The following TMPRSS4 variants were observed in gnomAD, a reference collection of about 807,000 sequenced individuals.
TMPRSS4 encodes transmembrane serine protease 4, also known as transmembrane protease serine 4.
In TMPRSS4, 45 loss-of-function variants were observed where a neutral mutation model predicts 56.4. That is an observed-to-expected ratio of 0.80 (90% CI 0.63 to 1.02). The LOEUF is 1.02. Ranked by LOEUF, TMPRSS4 falls within the 50% of genes least tolerant of loss-of-function variation. TMPRSS4 has a pLI of 0.00. For synonymous variants in TMPRSS4, 205 were observed against 211.0 expected, an observed-to-expected ratio of 0.97 and a Z score of 0.25; for missense variants, 546 against 556.7, an observed-to-expected ratio of 0.98 and a Z score of 0.19.
intron 4 of TMPRSS4, 105 bp downstream of exon 4, chr11:118,103,358 T>C (rs1946822400): frequency 9.0e-7 from 1 of 1,109,402 alleles, no homozygotes; most frequent in African/African-American, 1.6e-5. Flanking sequence ...TCACTTTTCA[T>C]CCTTGTTGTA....
chr11:118,089,308 G>T (rs560620877), intron 1 of TMPRSS4, among the ~76,000 whole-genome samples: 60 of 152,336 alleles, frequency 3.9e-4, no homozygotes, highest in African/African-American at 1.3e-3. Flanking sequence ...TACTCATGGG[G>T]AAACTCAGGC....
At position 118,115,165 on chromosome 11, in the gene TMPRSS4, C is replaced by A. The variant is rs1245396302; in HGVS notation, c.1037C>A (p.Ala346Glu). 3.1e-6 allele frequency: 5 copies of A among 1,611,784 alleles called. No homozygotes were observed. The highest frequency in any genetic ancestry group is 4.2e-6 in the Non-Finnish European group (5 of 1,179,380). ...AAGATGTCTGACATACTGCTGCAGG[C>A]GTCAGTCCAGGTCATTGACAGCACA... ...GGKMSDILLQASVQVIDSTRC... is the reference protein window; with the variant it reads ...GGKMSDILLQESVQVIDSTRC... The change falls in exon 11 of 13, where the codon GCG (alanine) becomes GAG (glutamate). Residue 346 changes from alanine (A) to glutamate (E), a missense_variant. Transcript: ENST00000437212.
intron 4 of TMPRSS4, 73 bp downstream of exon 4, chr11:118,103,326 C>A: frequency 6.5e-7 from 1 of 1,536,486 alleles, no homozygotes; most frequent in South Asian, 1.2e-5. Context: ...CGGCCCACTG[C>A]ATAGTATCTG....
In TMPRSS4 at chr11:118,104,733, C is replaced by A. The variant is rs760169660; in HGVS notation, c.353C>A (p.Ser118Ter). ...KDRSTLQVLD[S>*]ATGNWFSACF... ...CGATCCACACTGCAGGTGCTGGACT[C>A]GGCCACAGGGAACTGGTTCTCTGCC... Residue 118 changes from serine (S) to a stop codon, truncating the protein, a stop_gained, in exon 5 of 13, where the codon TCG (serine) becomes TAG (stop). Transcript: ENST00000437212. LOFTEE classifies it high-confidence loss of function. The A allele has an allele frequency of 5.0e-6, 8 of 1,614,186 alleles. No individual in the cohort carries two copies. In the South Asian group the frequency reaches 8.8e-5, roughly 18 times the overall value.
At chr11:118,084,049 A>C (rs1945355509) in intron 1 of TMPRSS4, among the ~76,000 whole-genome samples, 1 of 152,132 alleles carries the variant, frequency 6.6e-6, no homozygotes. Flanking sequence ...AAAACAAAAC[A>C]AAAAAACAAT....
chr11:118,117,685 C>G (rs1219703422), intron 12 of TMPRSS4: 10 of 985,346 alleles, frequency 1.0e-5, no homozygotes, highest in Non-Finnish European at 7.2e-6. Flanking sequence ...CCAAGCCTTT[C>G]TTTCTCTTTT....
chr11:118,117,443 A>G lies in TMPRSS4; in HGVS notation c.1291A>G (p.Asn431Asp). 6.2e-7 allele frequency: 1 copy of G among 1,613,378 alleles called. No homozygotes were observed. Among genetic ancestry groups the G allele is most frequent in the Non-Finnish European group, 8.5e-7 (1 of 1,179,554 alleles). ...KVSAYLNWIYNVWKAEL is the reference protein window; with the variant it reads ...KVSAYLNWIYDVWKAEL Reference sequence around the variant, plus strand: ...CTCAGCCTATCTCAACTGGATCTACAATGTCTGGAAGGTAAGGTACCTTTG... The same window carrying G: ...CTCAGCCTATCTCAACTGGATCTACGATGTCTGGAAGGTAAGGTACCTTTG... Residue 431 changes from asparagine to aspartate, a missense_variant, in exon 12 of 13, where the codon AAT becomes GAT. Asn to Asp is a conservative substitution (Grantham distance 23). Transcript: ENST00000437212.
intron 4 of TMPRSS4, 127 bp from the exon 5 acceptor site, chr11:118,104,564 G>C (rs1758210140): frequency 3.5e-6 from 5 of 1,435,462 alleles, no homozygotes; most frequent in Admixed American, 2.0e-5. Context: ...GACATTGAAA[G>C]TGTTGGGGCT....
chr11:118,080,089 G>GGGA (rs1945008916), intron 1 of TMPRSS4, among the ~76,000 whole-genome samples: 1 of 152,176 alleles, frequency 6.6e-6, no homozygotes, highest in Admixed American at 6.5e-5. Flanking sequence ...GCTGGGGATT[G>GGGA]GGAGGACCCA....
At chr11:118,094,675 C>T in intron 1 of TMPRSS4, 141 bp from the exon 2 acceptor site, 1 of 697,064 alleles carries the variant, frequency 1.4e-6, no homozygotes, top group Non-Finnish European at 2.6e-6. Context: ...TCCTGTTGAA[C>T]CAGGTATTTG....
At position 118,118,863 on chromosome 11, in the gene TMPRSS4, T is replaced by G; in HGVS notation, c.*950T>G. On this transcript the variant is annotated 3_prime_UTR_variant, in exon 13 of 13. Coordinates refer to ENST00000437212, the MANE Select transcript of TMPRSS4 (RefSeq NM_019894.4). ...CGCCTGGAGAGCCCTCAGTGTGGCT[T>G]CTTACATTTAAAAAACAAAAAGGAT... 1 of 985,432 alleles carries G rather than the reference T, an allele frequency of 1.0e-6. No homozygotes were observed. The highest frequency in any genetic ancestry group is 1.2e-6 in the Non-Finnish European group (1 of 829,936). The allele number at this position is 985,432 out of a possible 1,614,324, so 61.0% of individuals were successfully genotyped here. A position where few individuals can be genotyped will look rare whatever the true frequency, so the allele number is the denominator to read the frequency against.
chr11:118,088,223 C>T (rs938016456), intron 1 of TMPRSS4: 3 of 152,244 alleles, frequency 2.0e-5, no homozygotes, highest in African/African-American at 4.8e-5. Context: ...TTACTTGCTC[C>T]GAAGCCATAG....
chr11:118,080,759 C>T (rs1409604114), intron 1 of TMPRSS4, among the ~76,000 whole-genome samples: 1 of 152,146 alleles, frequency 6.6e-6, no homozygotes, highest in Non-Finnish European at 1.5e-5. Flanking sequence ...ACAAGCTTCC[C>T]AAAGCCCCAG....
rs117184822 is a variant in TMPRSS4, at chr11:118,119,083, C to T, written c.*1170C>T. ...ATGAAATATACTTGTTCATACTGTA[C>T]TAGGTTCTTAGGAAACAACAGAATT... On this transcript the variant is annotated 3_prime_UTR_variant, in exon 13 of 13. Transcript: ENST00000437212. 23,120 of 985,286 alleles carry T rather than the reference C, an allele frequency of 0.023. 317 individuals are homozygous for T. Among genetic ancestry groups the T allele is most frequent in the Non-Finnish European group, 0.026 (21,852 of 829,850 alleles). 61.0% of individuals were successfully genotyped at this position (985,286 alleles called of 1,614,324 possible).
At position 118,077,893 on chromosome 11, in the gene TMPRSS4, A is replaced by G. The variant is rs1944787914; in HGVS notation, c.3+588A>G. Among the ~76,000 whole-genome samples the G allele has an allele frequency of 4.6e-5, 7 of 151,940 alleles. No individual in the cohort carries two copies. The South Asian group carries it at 1.0e-3, about 23-fold the overall frequency. On this transcript the variant is annotated intron_variant, in intron 1 of 12. Transcript: ENST00000437212. ...CCAGGCGTGGTGGCAGGTGCCTGTA[A>G]TCCCAGCTACTTGGGAGGCTGAGGC...
At chr11:118,090,313 T>C (rs189708967) in intron 1 of TMPRSS4, among the ~76,000 whole-genome samples, 1 of 152,218 alleles carries the variant, frequency 6.6e-6, no homozygotes, top group Admixed American at 6.5e-5. Context: ...ATACTCATTA[T>C]GTACTGTGCA....
intron 5 of TMPRSS4, 29 bp from the exon 6 acceptor site, chr11:118,107,745 C>T: frequency 1.2e-6 from 2 of 1,604,152 alleles, no homozygotes; most frequent in Non-Finnish European, 1.7e-6. Context: ...CCCCAGCTCA[C>T]AACTCTCTCT....
intron 1 of TMPRSS4, among the ~76,000 whole-genome samples, chr11:118,081,518 G>A (rs558635913): frequency 1.3e-3 from 194 of 152,344 alleles, no homozygotes; most frequent in African/African-American, 3.7e-3. Flanking sequence ...CATAATCCAC[G>A]TGCAACCAGA....
At chr11:118,108,952 G>A in intron 7 of TMPRSS4, 56 bp downstream of exon 7, 1 of 1,584,842 alleles carries the variant, frequency 6.3e-7, no homozygotes, top group Non-Finnish European at 8.6e-7. Flanking sequence ...GAGCAGGGAG[G>A]AAGACCTTCA....
Sources: allele counts gnomAD v4.1 joint callset (sites outside exome capture counted in the v4.1 genomes callset), GRCh38; gene constraint gnomAD v4.1.1; transcripts MANE v1.5; gene names NCBI Gene and HGNC (gene_info 2026-07-23, HGNC 2026-07-21).